Variants in LARGE1 observed in about 807,000 individuals in gnomAD.
The protein encoded by LARGE1 is xylosyl- and glucuronyltransferase LARGE1.
A neutral mutation model predicts 87.6 loss-of-function variants in LARGE1; 43 were observed. The ratio of observed to expected loss-of-function variants is 0.49; its 90% CI spans 0.38 to 0.63. The LOEUF is 0.63. Ranked by LOEUF, LARGE1 falls within the 30% of genes least tolerant of loss-of-function variation. The pLI is 0.00. For missense variants in LARGE1, 802 were observed against 1,000.2 expected (o/e 0.80, Z 2.67); for synonymous variants, 434 against 394.6 (o/e 1.10, Z -1.18).
chr22:33,450,825 C>G (rs2067886096), intron 6 of LARGE1, among the ~76,000 whole-genome samples: 1 of 152,078 alleles, frequency 6.6e-6, no homozygotes, highest in African/African-American at 2.4e-5. Context: ...ATGAGCCACG[C>G]AGTATCAGCC....
chr22:33,448,876 T>C (rs2067796488), intron 6 of LARGE1, among the ~76,000 whole-genome samples: 1 of 152,122 alleles, frequency 6.6e-6, no homozygotes, highest in Non-Finnish European at 1.5e-5. Flanking sequence ...GGACCTGAAG[T>C]CTTCTTGTGC....
intron 2 of LARGE1, among the ~76,000 whole-genome samples, chr22:33,707,114 C>G (rs567501678): frequency 6.6e-6 from 1 of 152,192 alleles, no homozygotes; most frequent in Non-Finnish European, 1.5e-5. Context: ...AGAACTGGCA[C>G]GCGAGACCAA....
At chr22:33,532,391 A>G (rs1441964425) in intron 6 of LARGE1, among the ~76,000 whole-genome samples, 2 of 152,208 alleles carry the variant, frequency 1.3e-5, no homozygotes, top group Admixed American at 1.3e-4. Flanking sequence ...CTGTACCTGC[A>G]GCAGGGAAAT....
intron 6 of LARGE1, among the ~76,000 whole-genome samples, chr22:33,514,151 C>G (rs1238270810): frequency 6.6e-6 from 1 of 152,166 alleles, no homozygotes; most frequent in Non-Finnish European, 1.5e-5. Context: ...TTTCCCAGAA[C>G]ATATCCCCAT....
the LARGE1 span, among the ~76,000 whole-genome samples, chr22:33,094,500 A>G: frequency 6.6e-6 from 1 of 152,004 alleles, no homozygotes; most frequent in Non-Finnish European, 1.5e-5. Flanking sequence ...ATTCTTTGCC[A>G]TCCTCTGACA....
downstream of LARGE1, among the ~76,000 whole-genome samples, chr22:33,270,514 T>A (rs563606284): frequency 1.1e-4 from 16 of 152,322 alleles, no homozygotes; most frequent in South Asian, 3.3e-3. Context: ...GTCACATTAA[T>A]TTCTCTGGGA....
rs1275429105 is a variant in LARGE1 at position 33,606,437 on chromosome 22, T to TAAAATAAAAC, written c.492-1880_492-1879insGTTTTATTTT. On this transcript the variant is annotated intron_variant, in intron 4 of 14. Transcript: ENST00000397394. The stretch of plus-strand genomic sequence containing the variant: ...ATAAATAAAATAAAATGAAATAAAA[T>TAAAATAAAAC]AAAATAAAATAAAAATTAACAGACT... Among the ~76,000 whole-genome samples, 7 of 151,014 alleles carry TAAAATAAAAC rather than the reference T, an allele frequency of 4.6e-5. No homozygotes were observed. In the South Asian group the frequency reaches 1.3e-3, roughly 27 times the overall value.
At chr22:33,585,992 C>A (rs1456052589) in intron 5 of LARGE1, among the ~76,000 whole-genome samples, 2 of 152,220 alleles carry the variant, frequency 1.3e-5, no homozygotes, top group Non-Finnish European at 2.9e-5. Flanking sequence ...AGCCACTGCA[C>A]CCGGCCCACT....
chr22:33,794,888 G>C (rs1370024099), intron 1 of LARGE1, among the ~76,000 whole-genome samples: 1 of 149,712 alleles, frequency 6.7e-6, no homozygotes, highest in African/African-American at 2.4e-5. Flanking sequence ...CCAAAGTGCT[G>C]GGATTACCAT....
intron 2 of LARGE1, among the ~76,000 whole-genome samples, chr22:33,738,532 G>C (rs960273414): frequency 9.2e-5 from 14 of 152,188 alleles, no homozygotes; most frequent in Non-Finnish European, 1.9e-4. Context: ...GGAGCACGAA[G>C]CATCCCTCAG....
intron 6 of LARGE1, among the ~76,000 whole-genome samples, chr22:33,557,206 G>T (rs1313209403): frequency 6.6e-6 from 1 of 152,056 alleles, no homozygotes; most frequent in African/African-American, 2.4e-5. Context: ...TAATATATAA[G>T]ACAAGGCAGA....
chr22:33,711,273 C>T (rs1603221791), intron 2 of LARGE1, among the ~76,000 whole-genome samples: 1 of 152,304 alleles, frequency 6.6e-6, no homozygotes, highest in South Asian at 2.1e-4. Flanking sequence ...TCCAGGGGGT[C>T]TGCAGCAGGA....
intron 2 of LARGE1, among the ~76,000 whole-genome samples, chr22:33,738,107 G>A (rs5994792): frequency 0.074 from 11,253 of 152,150 alleles, 1,352 homozygotes; most frequent in African/African-American, 0.26. Flanking sequence ...ATGTATTTCA[G>A]GTAATCGAAT....
At chr22:33,535,327 G>A (rs1412049032) in intron 6 of LARGE1, among the ~76,000 whole-genome samples, 2 of 152,124 alleles carry the variant, frequency 1.3e-5, no homozygotes, top group African/African-American at 2.4e-5. Context: ...GTGGATCTCC[G>A]GAGGTCAGGA....
chr22:33,316,021 T>G, intron 11 of LARGE1, 64 bp downstream of exon 11: 3 of 1,558,816 alleles, frequency 1.9e-6, no homozygotes, highest in Non-Finnish European at 1.8e-6. Flanking sequence ...CCCTTCTCCA[T>G]TCTCTATCCT....
In LARGE1 at chr22:33,495,907, A is replaced by G. The variant is rs75298895; in HGVS notation, c.788-63642T>C. Among the ~76,000 whole-genome samples, 571 of 152,170 alleles carry G rather than the reference A, an allele frequency of 3.8e-3. 5 individuals carry two copies. The highest frequency in any genetic ancestry group is 0.023 in the South Asian group (110 of 4,808). On this transcript the variant is annotated intron_variant, in intron 6 of 14. Transcript: ENST00000397394. ...AGTCCTCAGTGTGGTGGTATTAGGAAGTGGTACCTCTGTGAGTGTATTAGT... is the reference window on the plus strand; with the variant it reads ...AGTCCTCAGTGTGGTGGTATTAGGAGGTGGTACCTCTGTGAGTGTATTAGT...
At chr22:33,299,372 G>C (rs1602301794) in intron 12 of LARGE1, among the ~76,000 whole-genome samples, 1 of 152,252 alleles carries the variant, frequency 6.6e-6, no homozygotes, top group South Asian at 2.1e-4. Flanking sequence ...TGAAACGCAG[G>C]TCTGAATGAC....
intron 6 of LARGE1, among the ~76,000 whole-genome samples, chr22:33,549,035 C>T (rs1383119041): frequency 6.6e-6 from 1 of 152,060 alleles, no homozygotes; most frequent in Non-Finnish European, 1.5e-5. Flanking sequence ...AAAAAGTATC[C>T]CTTTGCTTCT....
chr22:33,534,138 C>T (rs1448835718), intron 6 of LARGE1, among the ~76,000 whole-genome samples: 1 of 151,782 alleles, frequency 6.6e-6, no homozygotes, highest in Non-Finnish European at 1.5e-5. Flanking sequence ...GGCGTGGTGG[C>T]TCACGCCTGT....
Sources: allele counts gnomAD v4.1 joint callset (sites outside exome capture counted in the v4.1 genomes callset), GRCh38; gene constraint gnomAD v4.1.1; transcripts MANE v1.5; gene names NCBI Gene and HGNC (gene_info 2026-07-23, HGNC 2026-07-21).